Variants in CACNA2D3 observed in about 807,000 individuals in gnomAD.
CACNA2D3 encodes calcium voltage-gated channel auxiliary subunit alpha2delta 3, also known as voltage-dependent calcium channel subunit alpha-2/delta-3.
CACNA2D3 carries 60 observed loss-of-function variants against 160.6 expected under a neutral mutation model. The ratio of observed to expected loss-of-function variants is 0.37; its 90% confidence interval spans 0.30 to 0.46. The LOEUF is 0.46. CACNA2D3 is among the 20% of genes least tolerant of loss of function. The pLI, the probability that CACNA2D3 is intolerant of heterozygous loss-of-function variation, is 1.00. For synonymous variants in CACNA2D3, 558 were observed against 492.9 expected, an observed-to-expected ratio of 1.13 and a Z score of -1.75; for missense variants, 1,205 against 1,365.0, an observed-to-expected ratio of 0.88 and a Z score of 1.85.
intron 11 of CACNA2D3, among the ~76,000 whole-genome samples, chr3:54,733,374 A>G (rs1263255171): frequency 6.6e-6 from 1 of 152,210 alleles, no homozygotes; most frequent in African/African-American, 2.4e-5. Flanking sequence ...TATGAGCTGT[A>G]TAAGGCAGAC....
chr3:54,276,121 C>A (rs1295510700), intron 2 of CACNA2D3, among the ~76,000 whole-genome samples: 1 of 152,148 alleles, frequency 6.6e-6, no homozygotes, highest in African/African-American at 2.4e-5. Flanking sequence ...GATGGGTTGG[C>A]TGCCCACTGC....
rs79311131 is a variant in CACNA2D3, at chr3:55,074,102, C to G, written c.3184-12C>G. 754 of 1,609,756 alleles carry G rather than the reference C, an allele frequency of 4.7e-4. 1 individual carries two copies. The African/African-American group carries it at 8.8e-3, about 19-fold the overall frequency. On this transcript the variant is annotated splice_polypyrimidine_tract_variant and intron_variant, in intron 37 of 37. Coordinates refer to ENST00000474759, the MANE Select transcript of CACNA2D3 (RefSeq NM_018398.3). ...CTATTTCCGTCTAACCAACCCCTGCCTTTCCCCATAGGAGAATGCAAGGGA... is the reference window on the plus strand; with the variant it reads ...CTATTTCCGTCTAACCAACCCCTGCGTTTCCCCATAGGAGAATGCAAGGGA...
At chr3:54,143,150 C>A (rs1699968138) in intron 2 of CACNA2D3, among the ~76,000 whole-genome samples, 1 of 152,240 alleles carries the variant, frequency 6.6e-6, no homozygotes, top group Non-Finnish European at 1.5e-5. Flanking sequence ...TGGCCAAATT[C>A]TTTTGTCCTA....
At chr3:54,431,910 C>T (rs1189577148) in intron 4 of CACNA2D3, among the ~76,000 whole-genome samples, 1 of 152,100 alleles carries the variant, frequency 6.6e-6, no homozygotes, top group Non-Finnish European at 1.5e-5. Context: ...ACCTGGCCGA[C>T]TTTATAGCTA....
At chr3:54,355,012 CT>C (rs1698624973) in intron 3 of CACNA2D3, among the ~76,000 whole-genome samples, 1 of 152,188 alleles carries the variant, frequency 6.6e-6, no homozygotes, top group Admixed American at 6.5e-5. Context: ...CATCTGGGCA[CT>C]TGAGATACCA....
At chr3:54,806,178 A>T (rs572201422) in intron 13 of CACNA2D3, among the ~76,000 whole-genome samples, 23 of 152,344 alleles carry the variant, frequency 1.5e-4, no homozygotes, top group African/African-American at 5.5e-4. Flanking sequence ...CTCCTATTCA[A>T]CATAGTGTTG....
intron 2 of CACNA2D3, among the ~76,000 whole-genome samples, chr3:54,307,259 A>G (rs779068384): frequency 1.3e-5 from 2 of 152,092 alleles, no homozygotes; most frequent in Non-Finnish European, 2.9e-5. Context: ...GTGACACTGA[A>G]ATTTTTAGAG....
intron 4 of CACNA2D3, among the ~76,000 whole-genome samples, chr3:54,391,852 C>T (rs947376355): frequency 6.6e-6 from 1 of 152,086 alleles, no homozygotes; most frequent in Non-Finnish European, 1.5e-5. Flanking sequence ...TCAGTTCAGC[C>T]CTCTGGCTTG....
At chr3:54,462,251 C>T (rs1023042716) in intron 4 of CACNA2D3, among the ~76,000 whole-genome samples, 1 of 152,126 alleles carries the variant, frequency 6.6e-6, no homozygotes, top group Non-Finnish European at 1.5e-5. Flanking sequence ...AATGTATATT[C>T]TGTTGATTTG....
At chr3:54,422,788 C>G (rs1178666147) in intron 4 of CACNA2D3, among the ~76,000 whole-genome samples, 2 of 152,130 alleles carry the variant, frequency 1.3e-5, no homozygotes, top group African/African-American at 2.4e-5. Context: ...TGCACAGACC[C>G]TACGAACCAG....
In CACNA2D3 at chr3:54,315,900, C is replaced by T. The variant is rs150574525; in HGVS notation, c.205-4542C>T. Among the ~76,000 whole-genome samples the T allele has an allele frequency of 1.0e-3, 153 of 152,124 alleles. 1 individual carries two copies. Among genetic ancestry groups the T allele is most frequent in the African/African-American group, 3.4e-3 (141 of 41,482 alleles). ...TAAAGGAATCTGTTTATTAGGTGCTCATATTCTGTTGTAAATATAACTACA... is the reference window on the plus strand; with the variant it reads ...TAAAGGAATCTGTTTATTAGGTGCTTATATTCTGTTGTAAATATAACTACA... On this transcript the variant is annotated intron_variant, in intron 2 of 37. Transcript: ENST00000474759.
intron 4 of CACNA2D3, among the ~76,000 whole-genome samples, chr3:54,470,826 C>T (rs928850835): frequency 2.0e-5 from 3 of 152,176 alleles, no homozygotes; most frequent in Non-Finnish European, 4.4e-5. Flanking sequence ...AAGGGCATTA[C>T]ATAATGGTAA....
At chr3:54,890,943 A>G (rs1020925922) in intron 24 of CACNA2D3, among the ~76,000 whole-genome samples, 1 of 152,226 alleles carries the variant, frequency 6.6e-6, no homozygotes, top group African/African-American at 2.4e-5. Flanking sequence ...CTCAAGACCA[A>G]GAATAAACTT....
intron 2 of CACNA2D3, among the ~76,000 whole-genome samples, chr3:54,302,243 A>T (rs1703493107): frequency 6.6e-6 from 1 of 152,192 alleles, no homozygotes; most frequent in African/African-American, 2.4e-5. Flanking sequence ...TAATTCCAGC[A>T]TCTCTCAGGT....
chr3:54,256,382 C>CA (rs1702293713), intron 2 of CACNA2D3, among the ~76,000 whole-genome samples: 1 of 152,050 alleles, frequency 6.6e-6, no homozygotes, highest in Non-Finnish European at 1.5e-5. Context: ...TTTCAAAATC[C>CA]AAAAAATTGC....
intron 17 of CACNA2D3, among the ~76,000 whole-genome samples, chr3:54,866,011 C>A (rs1699394141): frequency 6.6e-6 from 1 of 151,824 alleles, no homozygotes; most frequent in Admixed American, 6.6e-5. Context: ...ACTCCAGGAC[C>A]CTGGCTTTAA....
At chr3:54,181,503 A>G (rs1702556431) in intron 2 of CACNA2D3, among the ~76,000 whole-genome samples, 1 of 152,190 alleles carries the variant, frequency 6.6e-6, no homozygotes, top group Non-Finnish European at 1.5e-5. Flanking sequence ...AATTCCAAAT[A>G]TATTCTTGGG....
intron 4 of CACNA2D3, among the ~76,000 whole-genome samples, chr3:54,405,227 G>A (rs1699552870): frequency 6.9e-6 from 1 of 144,788 alleles, no homozygotes; most frequent in Non-Finnish European, 1.5e-5. Flanking sequence ...TAAAATTTAT[G>A]TGGAACCACA....
intron 11 of CACNA2D3, among the ~76,000 whole-genome samples, chr3:54,660,055 C>G (rs927080810): frequency 2.6e-5 from 4 of 152,142 alleles, no homozygotes; most frequent in Admixed American, 2.6e-4. Context: ...ATTCCCAACT[C>G]AAAACCTGAC....
Sources: allele counts gnomAD v4.1 joint callset (sites outside exome capture counted in the v4.1 genomes callset), GRCh38; gene constraint gnomAD v4.1.1; transcripts MANE v1.5; gene names NCBI Gene and HGNC (gene_info 2026-07-23, HGNC 2026-07-21).